The following ERBB4 variants were observed in gnomAD, a reference collection of about 807,000 sequenced individuals.
ERBB4 encodes erb-b2 receptor tyrosine kinase 4.
In ERBB4, 42 loss-of-function variants were observed where a neutral mutation model predicts 158.0. The ratio of observed to expected loss-of-function variants is 0.27; its 90% CI spans 0.21 to 0.34. The LOEUF (loss-of-function observed/expected upper bound fraction) is 0.34, where lower values mean the gene tolerates loss of function less well. Ranked by LOEUF, ERBB4 falls within the 10% of genes least tolerant of loss-of-function variation. The pLI, the probability that ERBB4 is intolerant of heterozygous loss-of-function variation, is 1.00. For missense variants in ERBB4, 1,333 were observed against 1,624.1 expected, an observed-to-expected ratio of 0.82 and a Z score of 3.08; for synonymous variants, 583 against 558.7, an observed-to-expected ratio of 1.04 and a Z score of -0.61.
In ERBB4 at chr2:211,377,772, G is replaced by A. The variant is rs751221913; in HGVS notation, c.*5843C>T. ...ACAGCTTTTATGTAAAGATTAAATC[G>A]AAGTTCTACCAAGTGTATGTGGACA... On this transcript the variant is annotated 3_prime_UTR_variant, in exon 28 of 28. Transcript: ENST00000342788. 12 of 232,288 alleles carry A rather than the reference G, an allele frequency of 5.2e-5. 1 individual carries two copies. In the South Asian group the frequency reaches 9.1e-4, roughly 18 times the overall value. The allele number at this position is 232,288 out of a possible 1,614,324, so 14.4% of individuals were successfully genotyped here. A position where few individuals can be genotyped will look rare whatever the true frequency, so the allele number is the denominator to read the frequency against.
chr2:212,403,010 T>A (rs930316546), intron 1 of ERBB4, among the ~76,000 whole-genome samples: 3 of 152,076 alleles, frequency 2.0e-5, no homozygotes, highest in African/African-American at 7.2e-5. Flanking sequence ...ATAAGACTAA[T>A]TATATCTACT....
chr2:212,432,216 A>T (rs2092045965), intron 1 of ERBB4, among the ~76,000 whole-genome samples: 1 of 152,158 alleles, frequency 6.6e-6, no homozygotes, highest in South Asian at 2.1e-4. Context: ...TAAAATACTA[A>T]TTTTTTTAGG....
rs1559103670 is a variant in ERBB4, at chr2:211,376,756, C to T, written c.*6859G>A. On this transcript the variant is annotated 3_prime_UTR_variant, in exon 28 of 28. Transcript: ENST00000342788. ...TTTTTGTGCTATGAATTGTCTTCCA[C>T]ATTGATCTCATTTTCATTTGATCTT... 1 of 232,974 alleles carries T rather than the reference C, an allele frequency of 4.3e-6. No individual in the cohort carries two copies. Among genetic ancestry groups the T allele is most frequent in the Non-Finnish European group, 8.5e-6 (1 of 117,656 alleles). The allele number at this position is 232,974 out of a possible 1,614,324, so 14.4% of individuals were successfully genotyped here. A position where few individuals can be genotyped will look rare whatever the true frequency, so the allele number is the denominator to read the frequency against.
rs2076044681 is a variant in ERBB4, at chr2:211,781,820, A to C, written c.556+6205T>G. ...AAAAAAAAAGAAAAACCTATGTGTA[A>C]TCTTTCAGGCAGGAGCACAGACAAT... On this transcript the variant is annotated intron_variant, in intron 4 of 27. Coordinates refer to ENST00000342788, the MANE Select transcript of ERBB4 (RefSeq NM_005235.3). Among the ~76,000 whole-genome samples the C allele has an allele frequency of 2.0e-5, 3 of 152,146 alleles. No homozygotes were observed. The South Asian group carries it at 6.2e-4, about 32-fold the overall frequency.
At chr2:211,862,404 T>C (rs972342595) in intron 3 of ERBB4, among the ~76,000 whole-genome samples, 8 of 152,150 alleles carry the variant, frequency 5.3e-5, no homozygotes, top group African/African-American at 1.9e-4. Context: ...ATATGCTTTG[T>C]TCTCAATTTT....
At chr2:211,653,303 C>T (rs1259253393) in intron 16 of ERBB4, among the ~76,000 whole-genome samples, 1 of 152,068 alleles carries the variant, frequency 6.6e-6, no homozygotes, top group Admixed American at 6.5e-5. Flanking sequence ...CTATCTTATC[C>T]AATCTTCCTG....
chr2:211,743,645 G>A (rs532615352), intron 5 of ERBB4, among the ~76,000 whole-genome samples: 1 of 152,296 alleles, frequency 6.6e-6, no homozygotes, highest in South Asian at 2.1e-4. Context: ...TGAATAGAGA[G>A]AGTTGTCATT....
chr2:211,754,832 C>A (rs1360237740), intron 4 of ERBB4, among the ~76,000 whole-genome samples: 1 of 151,844 alleles, frequency 6.6e-6, no homozygotes, highest in Non-Finnish European at 1.5e-5. Flanking sequence ...TCCCAGCTAG[C>A]TGGGATTATA....
At chr2:211,706,353 A>G (rs2073438103) in intron 9 of ERBB4, among the ~76,000 whole-genome samples, 3 of 152,202 alleles carry the variant, frequency 2.0e-5, no homozygotes. Context: ...GTGATCCACT[A>G]TATGCAGCCT....
intron 3 of ERBB4, among the ~76,000 whole-genome samples, chr2:211,937,126 T>C (rs1197085636): frequency 6.6e-6 from 1 of 152,192 alleles, no homozygotes; most frequent in Non-Finnish European, 1.5e-5. Context: ...TGGTTCCTTG[T>C]ACAATCTTTT....
At chr2:212,321,462 T>C (rs2087564517) in intron 1 of ERBB4, among the ~76,000 whole-genome samples, 1 of 150,504 alleles carries the variant, frequency 6.6e-6, no homozygotes, top group African/African-American at 2.4e-5. Flanking sequence ...CCTATAATAC[T>C]GGCATTTTGG....
At chr2:212,051,803 T>C (rs1439870122) in intron 2 of ERBB4, among the ~76,000 whole-genome samples, 1 of 152,172 alleles carries the variant, frequency 6.6e-6, no homozygotes, top group East Asian at 1.9e-4. Context: ...TTTATTAACA[T>C]TTAAAAATAT....
At chr2:212,184,564 C>G (rs2081962899) in intron 1 of ERBB4, among the ~76,000 whole-genome samples, 1 of 151,978 alleles carries the variant, frequency 6.6e-6, no homozygotes. Flanking sequence ...CTGGCCCTAG[C>G]ACATTTTGGA....
At chr2:212,378,815 C>T (rs1184859614) in intron 1 of ERBB4, among the ~76,000 whole-genome samples, 1 of 151,796 alleles carries the variant, frequency 6.6e-6, no homozygotes, top group African/African-American at 2.4e-5. Context: ...AATTTATAAA[C>T]TTCTGCACAG....
At chr2:212,017,704 A>G (rs1370931664) in intron 2 of ERBB4, among the ~76,000 whole-genome samples, 1 of 152,112 alleles carries the variant, frequency 6.6e-6, no homozygotes, top group African/African-American at 2.4e-5. Context: ...TGTATATTAA[A>G]TAATAATTTC....
chr2:212,264,406 G>A (rs1269779441), intron 1 of ERBB4, among the ~76,000 whole-genome samples: 1 of 151,988 alleles, frequency 6.6e-6, no homozygotes, highest in Non-Finnish European at 1.5e-5. Context: ...ATGCTCACTG[G>A]CCTGGAAAAT....
intron 20 of ERBB4, among the ~76,000 whole-genome samples, chr2:211,505,206 T>C (rs187104804): frequency 6.6e-6 from 1 of 151,994 alleles, no homozygotes; most frequent in East Asian, 1.9e-4. Flanking sequence ...TAGAGAGAAG[T>C]GTCAAATCAC....
Position 211,417,342 on chromosome 2 carries a change from G to T in ERBB4, c.3135+3099C>A, listed in dbSNP as rs148541861. On this transcript the variant is annotated intron_variant, in intron 25 of 27. Transcript: ENST00000342788. ...TATAAAAAAAAATTAGCTGGGCAGGGTGGCATGCACCTGTGGTGCTACTCT... is the reference window on the plus strand; with the variant it reads ...TATAAAAAAAAATTAGCTGGGCAGGTTGGCATGCACCTGTGGTGCTACTCT... 8.8e-3 allele frequency among the ~76,000 whole-genome samples: 1,338 copies of T among 152,160 alleles called. 57 individuals are homozygous for T. Among genetic ancestry groups the T allele is most frequent in the Admixed American group, 0.079 (1,205 of 15,264 alleles).
At chr2:211,867,051 A>AAAAAAAAT (rs869292344) in intron 3 of ERBB4, among the ~76,000 whole-genome samples, 2 of 138,406 alleles carry the variant, frequency 1.4e-5, no homozygotes, top group Non-Finnish European at 3.2e-5. Context: ...AAAAAAAAAA[A>AAAAAAAAT]GATCGTGTTC....
Sources: allele counts gnomAD v4.1 joint callset (sites outside exome capture counted in the v4.1 genomes callset), GRCh38; gene constraint gnomAD v4.1.1; transcripts MANE v1.5; gene names NCBI Gene and HGNC (gene_info 2026-07-23, HGNC 2026-07-21).